The following LILRB4 variants were observed in gnomAD, a reference collection of about 807,000 sequenced individuals.
LILRB4 encodes leukocyte immunoglobulin like receptor B4, also known as leukocyte immunoglobulin-like receptor subfamily B member 4.
A neutral mutation model predicts 55.2 loss-of-function variants in LILRB4; 49 were observed. The ratio of observed to expected loss-of-function variants is 0.89; its 90% CI spans 0.71 to 1.13. The LOEUF (loss-of-function observed/expected upper bound fraction) is 1.13, where lower values mean the gene tolerates loss of function less well. Among genes scored for constraint, LILRB4 ranks in the 50% most tolerant of loss-of-function variants. The pLI is 0.00. For synonymous variants in LILRB4, 229 were observed against 213.8 expected (o/e 1.07, Z -0.62); for missense variants, 590 against 555.2 (o/e 1.06, Z -0.63).
At position 54,665,948 on chromosome 19, in the gene LILRB4, G is replaced by A. The variant is rs373203472; in HGVS notation, c.874+17G>A. Reference sequence around the variant, plus strand: ...GGACATTGGGTAAGTAGGAAATTGGGGGACCCGTGGGCTGATGGAGGGTGG... The same window carrying A: ...GGACATTGGGTAAGTAGGAAATTGGAGGACCCGTGGGCTGATGGAGGGTGG... On this transcript the variant is annotated intron_variant, in intron 7 of 11. Transcript: ENST00000430952. This position sits in a 1 kb window ranked among gnomAD's most constrained non-coding sequence, Gnocchi z 5.5. 1.9e-4 allele frequency: 306 copies of A among 1,613,812 alleles called. 3 individuals are homozygous for A. The South Asian group carries it at 2.8e-3, about 15-fold the overall frequency.
chr19:54,667,913 G>C (rs1048801), exon 12 of LILRB4: 1 of 1,606,188 alleles, frequency 6.2e-7, no homozygotes, highest in Non-Finnish European at 8.5e-7. Context: ...ACCTACGCCC[G>C]GCTGCACAGC....
exon 12 of LILRB4, chr19:54,667,973 C>A (rs142460517): frequency 6.8e-6 from 11 of 1,613,830 alleles, no homozygotes; most frequent in East Asian, 2.2e-5. Flanking sequence ...CAGGAAGGGG[C>A]CTCTCCAGCT....
Position 54,665,336 on chromosome 19 carries a change from G to A in LILRB4, c.757+156G>A, listed in dbSNP as rs569792014. On this transcript the variant is annotated intron_variant, in intron 6 of 11. Transcript: ENST00000430952. This position sits in a 1 kb window ranked among gnomAD's most constrained non-coding sequence, Gnocchi z 5.5. ...CCAAGTGTAAAGGAGAGAGGCCTGC[G>A]GGTGGGAAAGTTCCTTTCAGCTCTG... The A allele has an allele frequency of 2.3e-5, 20 of 880,244 alleles. No homozygotes were observed. The highest frequency in any genetic ancestry group is 2.0e-4 in the African/African-American group (11 of 55,074). 54.5% of individuals were successfully genotyped at this position (880,244 alleles called of 1,614,324 possible).
intron 10 of LILRB4, chr19:54,667,164 C>T: frequency 3.5e-6 from 2 of 565,564 alleles, no homozygotes; most frequent in East Asian, 4.5e-5. Flanking sequence ...GAGCTCACCT[C>T]GTGGTGGGAG....
At chr19:54,663,143 G>T in intron 1 of LILRB4, 76 bp downstream of exon 1, 1 of 1,528,588 alleles carries the variant, frequency 6.5e-7, no homozygotes, top group African/African-American at 1.4e-5. Context: ...TGGTTCTTTA[G>T]GAGACTCAAA....
chr19:54,667,393 G>A (rs11574584), intron 10 of LILRB4: 40 of 755,524 alleles, frequency 5.3e-5, no homozygotes, highest in Non-Finnish European at 7.2e-5. Context: ...CAAAGGCCCC[G>A]AGGCAGCAGC....
Position 54,663,570 on chromosome 19 carries a change from G to C in LILRB4, c.70+3G>C, listed in dbSNP as rs1461268511. 1 of 1,613,384 alleles carries C rather than the reference G, an allele frequency of 6.2e-7. No homozygotes were observed. The highest frequency in any genetic ancestry group is 1.8e-4 in the Middle Eastern group (1 of 5,476). ...CCCCAGGACCCACATGCAGGCAGGT[G>C]AGTCTGTCCCCAGCTGTCCCAGGTC... is the stretch of plus-strand genomic sequence containing the variant. On this transcript the variant is annotated splice_donor_region_variant and intron_variant, in intron 2 of 11. Coordinates refer to ENST00000430952, the Ensembl canonical transcript of LILRB4.
chr19:54,663,412 C>G (rs941553829), intron 1 of LILRB4, 120 bp from the exon 2 acceptor site: 11 of 1,383,302 alleles, frequency 8.0e-6, no homozygotes, highest in Non-Finnish European at 9.7e-6. Context: ...CACCACCGCA[C>G]TCCAGCCTGG....
chr19:54,664,778 T>A, intron 4 of LILRB4, 21 bp from the exon 5 acceptor site: 1 of 1,549,252 alleles, frequency 6.5e-7, no homozygotes, highest in African/African-American at 1.4e-5. Context: ...ACTCTCACCC[T>A]CCTCTTGTCC....
At chr19:54,664,425 C>T in exon 4 of LILRB4, 3 of 1,608,928 alleles carry the variant, frequency 1.9e-6, no homozygotes, top group South Asian at 1.1e-5. Flanking sequence ...CTTCAGCTCA[C>T]ACGGCTTCTC....
In LILRB4 at chr19:54,666,649, T is replaced by C; in HGVS notation, c.989-48T>C. 5 of 1,583,272 alleles carry C rather than the reference T, an allele frequency of 3.2e-6. No individual in the cohort carries two copies. The highest frequency in any genetic ancestry group is 2.2e-5 in the South Asian group (2 of 89,370). ...GGCAGGGACCAGCAGGAATGAGAGG[T>C]CCCAGGGAACCTTCCCAGGAGATGA... On this transcript the variant is annotated intron_variant, in intron 9 of 11. Transcript: ENST00000430952. This position sits in a 1 kb window ranked among gnomAD's most constrained non-coding sequence, Gnocchi z 4.8.
intron 1 of LILRB4, 128 bp downstream of exon 1, chr19:54,663,195 C>T (rs2065082934): frequency 1.8e-6 from 2 of 1,108,328 alleles, no homozygotes; most frequent in Non-Finnish European, 2.5e-6. Context: ...GCCTGTAATC[C>T]CAGCACTTTG....
Position 54,666,235 on chromosome 19 carries a change from C to A in LILRB4, c.875-5C>A. 6.3e-7 allele frequency: 1 copy of A among 1,588,566 alleles called. No individual in the cohort carries two copies. Among genetic ancestry groups the A allele is most frequent in the Non-Finnish European group, 8.6e-7 (1 of 1,168,452 alleles). On this transcript the variant is annotated splice_polypyrimidine_tract_variant and splice_region_variant and intron_variant, in intron 7 of 11. Coordinates refer to ENST00000430952, the Ensembl canonical transcript of LILRB4. This position sits in a 1 kb window ranked among gnomAD's most constrained non-coding sequence, Gnocchi z 4.8. ...AGAGCTGAGACTCTGTCCATCTTCC[C>A]CCAGCCCAGAGACAGGCTGATTTCC...
In LILRB4 at chr19:54,666,363, C is replaced by T. The variant is rs762542748; in HGVS notation, c.951-36C>T. Reference sequence around the variant, plus strand: ...GACTCCCACCCATCCCAACAGCCACCTCACTGTCCCCTTACACTCCCGTAT... The same window carrying T: ...GACTCCCACCCATCCCAACAGCCACTTCACTGTCCCCTTACACTCCCGTAT... On this transcript the variant is annotated intron_variant, in intron 8 of 11. Coordinates refer to ENST00000430952, the Ensembl canonical transcript of LILRB4. This position sits in a 1 kb window ranked among gnomAD's most constrained non-coding sequence, Gnocchi z 4.8. 1.2e-6 allele frequency: 2 copies of T among 1,612,350 alleles called. No homozygotes were observed. Among genetic ancestry groups the T allele is most frequent in the Non-Finnish European group, 1.7e-6 (2 of 1,179,060 alleles).
At chr19:54,664,218 C>T in exon 4 of LILRB4, 1 of 1,614,008 alleles carries the variant, frequency 6.2e-7, no homozygotes. Flanking sequence ...TTCAGCCCTG[C>T]CGAGTCCTCT....
At chr19:54,668,153 C>A (rs775775382) in exon 12 of LILRB4, 1 of 974,458 alleles carries the variant, frequency 1.0e-6, no homozygotes, top group Non-Finnish European at 1.5e-6. Flanking sequence ...ATTCCGGGAA[C>A]GTTGGGAGTC....
chr19:54,667,159 C>G (rs949893347), intron 10 of LILRB4: 2 of 569,158 alleles, frequency 3.5e-6, no homozygotes, highest in Non-Finnish European at 6.9e-6. Context: ...CTCCTGAGCT[C>G]ACCTCGTGGT....
At chr19:54,664,708 G>T in intron 4 of LILRB4, 91 bp from the exon 5 acceptor site, 2 of 1,118,408 alleles carry the variant, frequency 1.8e-6, no homozygotes, top group Non-Finnish European at 2.6e-6. Context: ...TCCTTGGGAA[G>T]CTGCAGGGCA....
In LILRB4 at chr19:54,666,088, A is replaced by G; in HGVS notation, c.875-152A>G. 8.4e-7 allele frequency: 1 copy of G among 1,197,282 alleles called. No homozygotes were observed. The highest frequency in any genetic ancestry group is 1.2e-6 in the Non-Finnish European group (1 of 844,596). 74.2% of individuals were successfully genotyped at this position (1,197,282 alleles called of 1,614,324 possible). A position where few individuals can be genotyped will look rare whatever the true frequency, so the allele number is the denominator to read the frequency against. On this transcript the variant is annotated intron_variant, in intron 7 of 11. Coordinates refer to ENST00000430952, the Ensembl canonical transcript of LILRB4. The surrounding 1 kb of genome is among the most constrained non-coding windows in gnomAD (Gnocchi z 4.8). ...AAGAAAATGAATGAGGGAGTAATGG[A>G]AGTGCTTTATTCTTTCGGTTTTTCT...
Sources: allele counts gnomAD v4.1 joint callset, GRCh38; gene constraint gnomAD v4.1.1; non-coding constraint Gnocchi (gnomAD v3.1); transcripts MANE v1.5; gene names NCBI Gene and HGNC (gene_info 2026-07-23, HGNC 2026-07-21).